RAD51C: variants seen among roughly 807,000 people sequenced by gnomAD.
RAD51C encodes RAD51 paralog C.
A neutral mutation model predicts 45.0 loss-of-function variants in RAD51C; 42 were observed. That is an observed-to-expected ratio of 0.93 (90% CI 0.73 to 1.21). The LOEUF (loss-of-function observed/expected upper bound fraction) is 1.21, where lower values mean the gene tolerates loss of function less well. Ranked by LOEUF, RAD51C falls within the 50% of genes most tolerant of loss-of-function variation. The probability of loss-of-function intolerance (pLI) is 0.00; values close to 1 mark genes in which losing one functional copy is unlikely to be tolerated. For synonymous variants in RAD51C, 172 were observed against 159.8 expected, an observed-to-expected ratio of 1.08 and a Z score of -0.58; for missense variants, 474 against 452.2, an observed-to-expected ratio of 1.05 and a Z score of -0.44.
intron 7 of RAD51C, among the ~76,000 whole-genome samples, chr17:58,731,680 A>G (rs1345036086): frequency 6.6e-6 from 1 of 152,230 alleles, no homozygotes; most frequent in East Asian, 1.9e-4. Context: ...TATTAATTGT[A>G]TAAGACATAA....
intron 3 of RAD51C, among the ~76,000 whole-genome samples, chr17:58,699,195 A>G (rs996742703): frequency 6.6e-6 from 1 of 151,794 alleles, no homozygotes; most frequent in South Asian, 2.1e-4. Flanking sequence ...TTTAGCAGAG[A>G]TGGAGTTTCA....
chr17:58,706,265 A>G (rs1396133585), intron 4 of RAD51C, among the ~76,000 whole-genome samples: 1 of 151,848 alleles, frequency 6.6e-6, no homozygotes, highest in East Asian at 1.9e-4. Context: ...TGTCTCTACT[A>G]AAAATACAAA....
chr17:58,706,546 C>G (rs2048386400), intron 4 of RAD51C: 1 of 464,044 alleles, frequency 2.2e-6, no homozygotes, highest in African/African-American at 2.0e-5. Flanking sequence ...GCCCCTTCCT[C>G]TCTCTGCAAG....
chr17:58,717,153 T>A (rs1052043135), intron 5 of RAD51C, among the ~76,000 whole-genome samples: 4 of 148,420 alleles, frequency 2.7e-5, no homozygotes, highest in African/African-American at 9.8e-5. Flanking sequence ...ATGCCTATAA[T>A]CCCAGCACTT....
chr17:58,706,496 G>A lies in RAD51C; in HGVS notation c.705+3167G>A, dbSNP rs531454151. On this transcript the variant is annotated intron_variant, in intron 4 of 8. Coordinates refer to ENST00000337432, the MANE Select transcript of RAD51C (RefSeq NM_058216.3). ...TGATGCTCTGCCTTCCAGGCCCACT[G>A]CAGTAGCAGAATCACCCTACTGCTC... The A allele has an allele frequency of 1.7e-3, 731 of 437,996 alleles. 14 individuals carry two copies. Among genetic ancestry groups the A allele is most frequent in the South Asian group, 0.012 (711 of 59,428 alleles). 27.1% of individuals were successfully genotyped at this position (437,996 alleles called of 1,614,324 possible).
intron 4 of RAD51C, among the ~76,000 whole-genome samples, chr17:58,705,348 G>T (rs191336485): frequency 1.3e-5 from 2 of 150,866 alleles, no homozygotes; most frequent in African/African-American, 4.9e-5. Context: ...TTTTTTTGGG[G>T]GGGGGGTGGA....
chr17:58,727,419 C>T (rs1033645129), intron 7 of RAD51C, among the ~76,000 whole-genome samples: 1 of 152,158 alleles, frequency 6.6e-6, no homozygotes, highest in Non-Finnish European at 1.5e-5. Flanking sequence ...CCACCGCACT[C>T]GGCCATAGCT....
chr17:58,721,742 A>T (rs9903450), intron 6 of RAD51C, among the ~76,000 whole-genome samples: 1 of 152,056 alleles, frequency 6.6e-6, no homozygotes. Context: ...CTGGGCAACA[A>T]GAGTGAAACT....
At chr17:58,702,898 C>T (rs1428887714) in intron 3 of RAD51C, among the ~76,000 whole-genome samples, 4 of 151,806 alleles carry the variant, frequency 2.6e-5, no homozygotes, top group African/African-American at 7.3e-5. Context: ...TGGGGGGCGG[C>T]GACGGATAGC....
chr17:58,697,222 C>G (rs2048049000), intron 3 of RAD51C, among the ~76,000 whole-genome samples: 1 of 152,086 alleles, frequency 6.6e-6, no homozygotes, highest in Non-Finnish European at 1.5e-5. Context: ...ATTGGTTTTC[C>G]AAAAACCAAA....
intron 8 of RAD51C, 167 bp downstream of exon 8, chr17:58,732,711 T>C: frequency 4.5e-6 from 3 of 663,182 alleles, no homozygotes; most frequent in Non-Finnish European, 8.1e-6. Flanking sequence ...ATACAGAATA[T>C]TGTAGTCACA....
intron 6 of RAD51C, among the ~76,000 whole-genome samples, chr17:58,722,516 G>A (rs2048953620): frequency 6.6e-6 from 1 of 152,154 alleles, no homozygotes; most frequent in African/African-American, 2.4e-5. Flanking sequence ...CTGTTGTGTA[G>A]TGCAGCACTG....
At chr17:58,702,085 T>C (rs1230346893) in intron 3 of RAD51C, among the ~76,000 whole-genome samples, 1 of 151,696 alleles carries the variant, frequency 6.6e-6, no homozygotes, top group Admixed American at 6.6e-5. Context: ...AGCCTTGACC[T>C]CCCAGGCTCA....
intron 7 of RAD51C, among the ~76,000 whole-genome samples, chr17:58,724,326 G>A (rs886206446): frequency 7.9e-5 from 12 of 152,034 alleles, no homozygotes; most frequent in African/African-American, 2.7e-4. Flanking sequence ...ATGATGGGGC[G>A]CATGCACCTG....
rs1064796060 is a variant in RAD51C, at chr17:58,696,830, A to G, written c.542A>G (p.Gln181Arg). 2 of 1,614,192 alleles carry G rather than the reference A, an allele frequency of 1.2e-6. No homozygotes were observed. The highest frequency in any genetic ancestry group is 2.2e-5 in the South Asian group (2 of 91,088). ...DLATACIQHL[Q>R]LIAEKHKGEE... ...GCTACTGCCTGCATTCAGCACCTTC[A>G]GCTTATAGCAGAAAAACACAAGGGA... is the stretch of plus-strand genomic sequence containing the variant. The change falls in exon 3 of 9, where the codon CAG becomes CGG. Residue 181 changes from glutamine (Q) to arginine (R), a missense_variant. Gln to Arg is a conservative substitution (Grantham distance 43). Coordinates refer to ENST00000337432, the MANE Select transcript of RAD51C (RefSeq NM_058216.3).
intron 4 of RAD51C, chr17:58,706,648 C>T (rs1448589531): frequency 9.2e-6 from 3 of 327,632 alleles, no homozygotes; most frequent in Non-Finnish European, 2.0e-5. Context: ...TCCCCTTTGG[C>T]ACCATTCTTT....
chr17:58,699,349 G>A (rs1447840879), intron 3 of RAD51C, among the ~76,000 whole-genome samples: 3 of 151,500 alleles, frequency 2.0e-5, no homozygotes, highest in Non-Finnish European at 2.9e-5. Flanking sequence ...TTGGATGTGC[G>A]GTCTTTATTC....
intron 7 of RAD51C, among the ~76,000 whole-genome samples, chr17:58,727,585 A>G (rs1416234881): frequency 6.6e-6 from 1 of 151,864 alleles, no homozygotes; most frequent in Non-Finnish European, 1.5e-5. Flanking sequence ...GGCTGTGGAT[A>G]TATGATAAAT....
At chr17:58,731,546 A>G (rs1211182367) in intron 7 of RAD51C, among the ~76,000 whole-genome samples, 1 of 152,222 alleles carries the variant, frequency 6.6e-6, no homozygotes, top group Non-Finnish European at 1.5e-5. Flanking sequence ...GGCGTGAGCC[A>G]CCGCGCCCAG....
Sources: gnomAD v4.1 joint callset for allele counts (sites outside exome capture counted in the v4.1 genomes callset) on GRCh38, gnomAD v4.1.1 for gene constraint, MANE v1.5 for transcripts, NCBI Gene and HGNC (gene_info 2026-07-23, HGNC 2026-07-21) for gene names.